ELP1: variants seen among roughly 807,000 people sequenced by gnomAD.
ELP1 encodes the protein elongator complex protein 1.
Under a neutral mutation model 183.2 loss-of-function variants are expected in ELP1, and 131 were observed. The observed-to-expected ratio is 0.72, with a 90% confidence interval of 0.62 to 0.83. The LOEUF (loss-of-function observed/expected upper bound fraction) is 0.83, where lower values mean the gene tolerates loss of function less well. ELP1 is among the 40% of genes least tolerant of loss of function. ELP1 has a pLI of 0.00. For missense variants in ELP1, 1,550 were observed against 1,594.9 expected (o/e 0.97, Z 0.48); for synonymous variants, 555 against 569.0 (o/e 0.98, Z 0.35).
chr9:108,922,424 AAG>A (rs1192726060), intron 6 of ELP1, among the ~76,000 whole-genome samples: 2 of 152,214 alleles, frequency 1.3e-5, no homozygotes, highest in African/African-American at 2.4e-5. Context: ...AAGGAAAACA[AAG>A]AGTTTCATCC....
chr9:108,883,215 G>C (rs1015002357), intron 29 of ELP1, among the ~76,000 whole-genome samples: 1 of 152,212 alleles, frequency 6.6e-6, no homozygotes, highest in African/African-American at 2.4e-5. Flanking sequence ...CCAGGCTGAA[G>C]TGCAGTGGCG....
chr9:108,869,283 C>A, intron 36 of ELP1, 101 bp from the exon 37 acceptor site: 1 of 963,400 alleles, frequency 1.0e-6, no homozygotes, highest in Non-Finnish European at 1.7e-6. Context: ...GTGGAGTTTG[C>A]AGCAATAAGA....
At chr9:108,919,163 C>A (rs1829553637) in intron 7 of ELP1, 90 bp downstream of exon 7, 9 of 863,058 alleles carry the variant, frequency 1.0e-5, no homozygotes, top group South Asian at 2.9e-5. Context: ...ATAATTAATA[C>A]CCTACTCAAA....
rs555979688 is a variant in ELP1 at position 108,901,680 on chromosome 9, T to C, written c.1856A>G (p.Glu619Gly). ...QTELAMIGEE[E>G]CVLGLTDRCR... ...CCTGTCAGTCAGACCAAGGACACAT[T>C]CCTGCAAAGAAATAAAACTGAAATC... The change falls in exon 17 of 37, where the codon GAA (glutamate) becomes GGA (glycine). Residue 619 changes from glutamate to glycine, a missense_variant and splice_region_variant. Glu to Gly is a moderately conservative substitution (Grantham distance 98). Transcript: ENST00000374647. 10 of 1,614,038 alleles carry C rather than the reference T, an allele frequency of 6.2e-6. No homozygotes were observed. In the African/African-American group the frequency reaches 1.2e-4, roughly 19 times the overall value.
chr9:108,884,239 C>A (rs1380373377), intron 29 of ELP1, among the ~76,000 whole-genome samples: 1 of 152,124 alleles, frequency 6.6e-6, no homozygotes, highest in Non-Finnish European at 1.5e-5. Context: ...AACATGTATG[C>A]ACCTATAACA....
intron 20 of ELP1, among the ~76,000 whole-genome samples, chr9:108,899,470 T>C (rs1828687646): frequency 6.6e-6 from 1 of 152,174 alleles, no homozygotes; most frequent in Non-Finnish European, 1.5e-5. Context: ...TGTAAATCTA[T>C]TGAAAGCTGT....
intron 13 of ELP1, among the ~76,000 whole-genome samples, chr9:108,907,417 C>T (rs1172489025): frequency 6.6e-6 from 1 of 152,192 alleles, no homozygotes; most frequent in African/African-American, 2.4e-5. Context: ...TCTTTAAAAA[C>T]TACTAAGCAT....
chr9:108,911,486 C>T (rs1331539405), intron 11 of ELP1, among the ~76,000 whole-genome samples: 2 of 152,292 alleles, frequency 1.3e-5, no homozygotes, highest in East Asian at 3.9e-4. Flanking sequence ...GGGCCTGCAA[C>T]CAAGCCACAC....
At chr9:108,871,284 G>A (rs1176850853) in intron 36 of ELP1, among the ~76,000 whole-genome samples, 3 of 149,674 alleles carry the variant, frequency 2.0e-5, no homozygotes, top group Admixed American at 2.0e-4. Context: ...CTGAATTAGA[G>A]ATGTGTGTTT....
At chr9:108,877,906 C>T (rs1827760209) in intron 35 of ELP1, 89 bp downstream of exon 35, 1 of 1,360,642 alleles carries the variant, frequency 7.3e-7, no homozygotes, top group Admixed American at 1.7e-5. Flanking sequence ...GTTTTAAGAA[C>T]AGGAAAACTT....
intron 28 of ELP1, among the ~76,000 whole-genome samples, chr9:108,890,271 G>A (rs1373047825): frequency 6.6e-6 from 1 of 152,124 alleles, no homozygotes; most frequent in African/African-American, 2.4e-5. Flanking sequence ...GGAGGGATTT[G>A]GGAAAGGCTA....
At chr9:108,927,952 A>C (rs1197894679) in intron 3 of ELP1, among the ~76,000 whole-genome samples, 1 of 152,224 alleles carries the variant, frequency 6.6e-6, no homozygotes, top group African/African-American at 2.4e-5. Context: ...AATAGAATAA[A>C]TAAGACCTGC....
chr9:108,894,646 G>A (rs150775196), intron 25 of ELP1, among the ~76,000 whole-genome samples: 38 of 152,296 alleles, frequency 2.5e-4, no homozygotes, highest in African/African-American at 9.1e-4. Context: ...GGGAAATAAG[G>A]TTTCAGTCTA....
In ELP1 at chr9:108,901,492, C is replaced by T. The variant is rs1564088262; in HGVS notation, c.1947G>A (p.Glu649=). Residue 649 remains glutamate, a synonymous_variant, in exon 18 of 37, where the codon GAG becomes GAA. Coordinates refer to ENST00000374647, the MANE Select transcript of ELP1 (RefSeq NM_003640.5). ...GGGAATGGGTTGTCAACAATAAAAACTCATCATATACTGCAAATGACGTGA... is the reference window on the plus strand; with the variant it reads ...GGGAATGGGTTGTCAACAATAAAAATTCATCATATACTGCAAATGACGTGA... ...SNITSFAVYD[E]FLLLTTHSHT... is the part of the protein sequence containing the mutation. 1 of 1,613,984 alleles carries T rather than the reference C, an allele frequency of 6.2e-7. No homozygotes were observed. The highest frequency in any genetic ancestry group is 8.5e-7 in the Non-Finnish European group (1 of 1,179,978).
intron 25 of ELP1, among the ~76,000 whole-genome samples, chr9:108,895,006 G>A (rs1828484926): frequency 6.6e-6 from 1 of 152,116 alleles, no homozygotes; most frequent in African/African-American, 2.4e-5. Context: ...CAGCACTCTG[G>A]GAGGCCGAGG....
chr9:108,880,644 A>AT (rs908728264), intron 31 of ELP1, among the ~76,000 whole-genome samples: 3 of 152,230 alleles, frequency 2.0e-5, no homozygotes, highest in Non-Finnish European at 1.5e-5. Context: ...AGTAGAATAC[A>AT]TTTTAAAAAA....
intron 15 of ELP1, 40 bp from the exon 16 acceptor site, chr9:108,902,982 G>A (rs750113565): frequency 2.4e-5 from 35 of 1,475,260 alleles, no homozygotes; most frequent in Admixed American, 3.4e-5. Flanking sequence ...TAGCTGATGC[G>A]CTCTTTGCAA....
chr9:108,889,304 G>C, intron 29 of ELP1, 28 bp downstream of exon 29: 1 of 1,600,054 alleles, frequency 6.2e-7, no homozygotes, highest in Non-Finnish European at 8.6e-7. Context: ...GCTGACTGGG[G>C]GGTTTAGAAG....
chr9:108,878,096 C>T lies in ELP1; in HGVS notation c.3754G>A (p.Gly1252Arg), dbSNP rs1234851458. 1 of 1,613,004 alleles carries T rather than the reference C, an allele frequency of 6.2e-7. No individual in the cohort carries two copies. The highest frequency in any genetic ancestry group is 1.1e-5 in the South Asian group (1 of 91,066). Residue 1252 changes from glycine to arginine, a missense_variant, in exon 35 of 37, where the codon GGA becomes AGA. Transcript: ENST00000374647. ...VLFLFEFDEQ[G>R]RELQKAFEDT... Reference sequence around the variant, plus strand: ...TCAAAGGCCTTCTGTAATTCCCTTCCTTGTTCATCAAACTCAAAGAGAAAG... The same window carrying T: ...TCAAAGGCCTTCTGTAATTCCCTTCTTTGTTCATCAAACTCAAAGAGAAAG...
Sources: gnomAD v4.1 joint callset for allele counts (sites outside exome capture counted in the v4.1 genomes callset) on GRCh38, gnomAD v4.1.1 for gene constraint, MANE v1.5 for transcripts, NCBI Gene and HGNC (gene_info 2026-07-23, HGNC 2026-07-21) for gene names.